The following DPYD variants were observed in gnomAD, a reference collection of about 807,000 sequenced individuals.
DPYD encodes dihydropyrimidine dehydrogenase.
Under a neutral mutation model 116.2 loss-of-function variants are expected in DPYD, and 109 were observed. The observed-to-expected ratio is 0.94, with a 90% CI of 0.80 to 1.10. The LOEUF is 1.10. Ranked by LOEUF, DPYD falls within the 50% of genes least tolerant of loss-of-function variation. DPYD has a pLI of 0.00. For synonymous variants in DPYD, 440 were observed against 432.0 expected (o/e 1.02, Z -0.23); for missense variants, 1,302 against 1,254.5 (o/e 1.04, Z -0.57).
Position 97,257,452 on chromosome 1 carries a change from T to TATATATATAGAGAGAG in DPYD, c.2300-22459_2300-22458insCTCTCTCTATATATAT, listed in dbSNP as rs375490078. Reference sequence around the variant, plus strand: ...ATACATACGTATATATATATATATATAGAGAGAGAGAAAGAGAGAGAGAGC... The same window carrying TATATATATAGAGAGAG: ...ATACATACGTATATATATATATATATATATATATAGAGAGAGAGAGAGAGAGAAAGAGAGAGAGAGC... On this transcript the variant is annotated intron_variant, in intron 18 of 22. Coordinates refer to ENST00000370192, the MANE Select transcript of DPYD (RefSeq NM_000110.4). 6.6e-3 allele frequency among the ~76,000 whole-genome samples: 830 copies of TATATATATAGAGAGAG among 126,374 alleles called. 10 individuals are homozygous for TATATATATAGAGAGAG. The highest frequency in any genetic ancestry group is 0.017 in the African/African-American group (540 of 31,764). The allele number at this position is 126,374 out of a possible 152,430, so 82.9% of individuals were successfully genotyped here. A position where few individuals can be genotyped will look rare whatever the true frequency, so the allele number is the denominator to read the frequency against.
At chr1:97,413,140 T>A (rs1216099644) in intron 14 of DPYD, among the ~76,000 whole-genome samples, 1 of 152,182 alleles carries the variant, frequency 6.6e-6, no homozygotes, top group Non-Finnish European at 1.5e-5. Flanking sequence ...AACAAAAACC[T>A]CTTACATTTT....
intron 13 of DPYD, among the ~76,000 whole-genome samples, chr1:97,498,346 G>T (rs1264578408): frequency 6.6e-6 from 1 of 151,724 alleles, no homozygotes; most frequent in Non-Finnish European, 1.5e-5. Context: ...TGGAGATGAA[G>T]TTGATGGTTA....
intron 1 of DPYD, among the ~76,000 whole-genome samples, chr1:97,916,771 G>A (rs948586407): frequency 4.6e-5 from 7 of 152,202 alleles, no homozygotes; most frequent in South Asian, 2.1e-4. Flanking sequence ...ACTTTGGTGG[G>A]CCAAGCTGAA....
At chr1:97,498,055 C>G (rs146229106) in intron 13 of DPYD, among the ~76,000 whole-genome samples, 1 of 151,646 alleles carries the variant, frequency 6.6e-6, no homozygotes, top group Admixed American at 6.6e-5. Flanking sequence ...ATAAAAGAAA[C>G]CAGACATTAA....
chr1:97,802,476 C>G (rs989872987), intron 3 of DPYD, among the ~76,000 whole-genome samples: 1 of 151,778 alleles, frequency 6.6e-6, no homozygotes, highest in Admixed American at 6.6e-5. Flanking sequence ...GAACTTTGGA[C>G]TTACACAATA....
intron 1 of DPYD, among the ~76,000 whole-genome samples, chr1:97,887,331 A>G (rs1672546962): frequency 1.3e-5 from 2 of 151,434 alleles, no homozygotes; most frequent in South Asian, 4.2e-4. Flanking sequence ...TTAGCCGGGC[A>G]TGGTGGCATA....
intron 3 of DPYD, among the ~76,000 whole-genome samples, chr1:97,782,266 G>A (rs553664900): frequency 4.6e-5 from 7 of 152,252 alleles, no homozygotes; most frequent in Admixed American, 3.9e-4. Flanking sequence ...AAATCACGGC[G>A]CAGAGCTACC....
chr1:97,875,203 T>G (rs1361469285), intron 2 of DPYD, among the ~76,000 whole-genome samples: 1 of 151,942 alleles, frequency 6.6e-6, no homozygotes, highest in Admixed American at 6.6e-5. Flanking sequence ...GACAAAGTGA[T>G]TATTTTTGCT....
At chr1:97,747,329 T>C (rs982271835) in intron 3 of DPYD, among the ~76,000 whole-genome samples, 1 of 152,182 alleles carries the variant, frequency 6.6e-6, no homozygotes, top group African/African-American at 2.4e-5. Flanking sequence ...CACCTGCAGC[T>C]ACAAGTGAGG....
At chr1:97,535,340 A>G (rs573012356) in intron 12 of DPYD, among the ~76,000 whole-genome samples, 1 of 152,294 alleles carries the variant, frequency 6.6e-6, no homozygotes, top group East Asian at 1.9e-4. Flanking sequence ...CTACATTGCC[A>G]TTAGACCCAG....
At chr1:97,517,118 G>A (rs2101980070) in intron 12 of DPYD, among the ~76,000 whole-genome samples, 1 of 152,062 alleles carries the variant, frequency 6.6e-6, no homozygotes, top group South Asian at 2.1e-4. Context: ...ATGTAAAAAG[G>A]CATCAAACTT....
chr1:97,888,517 C>A (rs1217806717), intron 1 of DPYD, among the ~76,000 whole-genome samples: 1 of 151,070 alleles, frequency 6.6e-6, no homozygotes, highest in Non-Finnish European at 1.5e-5. Context: ...TTACACTATA[C>A]CTTCAGGAAG....
chr1:97,513,749 A>G (rs1367478062), intron 13 of DPYD, among the ~76,000 whole-genome samples: 1 of 151,848 alleles, frequency 6.6e-6, no homozygotes, highest in Non-Finnish European at 1.5e-5. Context: ...ACATTTCATC[A>G]ATAGGAAAGC....
At chr1:97,354,991 G>A (rs1043380479) in intron 16 of DPYD, among the ~76,000 whole-genome samples, 6 of 152,170 alleles carry the variant, frequency 3.9e-5, no homozygotes, top group African/African-American at 7.2e-5. Flanking sequence ...GTGATCCCAT[G>A]TGTAGAAATA....
intron 19 of DPYD, among the ~76,000 whole-genome samples, chr1:97,211,331 T>C (rs547688568): frequency 1.3e-5 from 2 of 152,272 alleles, no homozygotes; most frequent in African/African-American, 2.4e-5. Flanking sequence ...AGACAAGGTA[T>C]CCTCCCAGTC....
chr1:97,751,554 C>A (rs1466546685), intron 3 of DPYD, among the ~76,000 whole-genome samples: 1 of 138,968 alleles, frequency 7.2e-6, no homozygotes, highest in Non-Finnish European at 1.5e-5. Context: ...TACTTCAGGC[C>A]TGGGTTCCAT....
intron 16 of DPYD, among the ~76,000 whole-genome samples, chr1:97,330,183 A>G (rs1668916291): frequency 1.3e-5 from 2 of 152,146 alleles, no homozygotes; most frequent in Non-Finnish European, 2.9e-5. Context: ...AAAAATAAAT[A>G]CTGATTTTCC....
intron 16 of DPYD, among the ~76,000 whole-genome samples, chr1:97,333,168 C>G (rs1441614454): frequency 6.6e-6 from 1 of 151,598 alleles, no homozygotes; most frequent in East Asian, 1.9e-4. Context: ...AGCGATTACC[C>G]TGTCTCAGGC....
intron 2 of DPYD, among the ~76,000 whole-genome samples, chr1:97,835,457 T>G (rs922650637): frequency 6.6e-6 from 1 of 152,130 alleles, no homozygotes; most frequent in African/African-American, 2.4e-5. Flanking sequence ...TAATTTTATT[T>G]GAAATATTTT....
Sources: allele counts gnomAD v4.1 joint callset (sites outside exome capture counted in the v4.1 genomes callset), GRCh38; gene constraint gnomAD v4.1.1; transcripts MANE v1.5; gene names NCBI Gene and HGNC (gene_info 2026-07-23, HGNC 2026-07-21).